Variants in CADM2 observed in about 807,000 individuals in gnomAD.
CADM2 encodes immunoglobulin superfamily member 4D.
A neutral mutation model predicts 49.8 loss-of-function variants in CADM2; 12 were observed. The ratio of observed to expected loss-of-function variants is 0.24; its 90% confidence interval spans 0.15 to 0.39. The LOEUF is 0.39. CADM2 is among the 10% of genes least tolerant of loss of function. The pLI is 1.00. For synonymous variants in CADM2, 214 were observed against 175.4 expected (o/e 1.22, Z -1.74); for missense variants, 378 against 492.3 (o/e 0.77, Z 2.20).
At chr3:85,844,448 G>T (rs2074788031) in intron 3 of CADM2, among the ~76,000 whole-genome samples, 1 of 151,964 alleles carries the variant, frequency 6.6e-6, no homozygotes, top group Non-Finnish European at 1.5e-5. Flanking sequence ...GCTTTAAGGG[G>T]ATTGATACAG....
At chr3:84,960,866 G>C (rs990662475) in intron 1 of CADM2, among the ~76,000 whole-genome samples, 1 of 152,158 alleles carries the variant, frequency 6.6e-6, no homozygotes, top group Non-Finnish European at 1.5e-5. Context: ...GGCAGGGGCG[G>C]CGTGCTAGGG....
chr3:85,934,654 T>C (rs1306254733), intron 6 of CADM2, among the ~76,000 whole-genome samples: 1 of 152,076 alleles, frequency 6.6e-6, no homozygotes, highest in Non-Finnish European at 1.5e-5. Flanking sequence ...AACTATTACA[T>C]TTTATTTTAT....
chr3:85,316,434 C>T (rs1429791383), intron 1 of CADM2, among the ~76,000 whole-genome samples: 1 of 152,100 alleles, frequency 6.6e-6, no homozygotes, highest in Non-Finnish European at 1.5e-5. Context: ...TGAGTGTTGT[C>T]TGTCAGTAAC....
intron 1 of CADM2, among the ~76,000 whole-genome samples, chr3:85,467,236 C>T (rs2107601449): frequency 6.6e-6 from 1 of 152,200 alleles, no homozygotes. Flanking sequence ...GGTGACATAA[C>T]TTGTCATTTA....
chr3:85,885,680 CAAA>C lies in CADM2; in HGVS notation c.392-490_392-488del, dbSNP rs1230774557. On this transcript the variant is annotated intron_variant, in intron 4 of 9. Transcript: ENST00000383699. ...CTGGGGTCAGAGCAAGACTCTATCT[CAAA>C]AAAAAAAAAAAAAAAAAAATTAGTC... Among the ~76,000 whole-genome samples the C allele has an allele frequency of 4.9e-3, 423 of 86,592 alleles. 1 individual carries two copies. Among genetic ancestry groups the C allele is most frequent in the Middle Eastern group, 0.015 (2 of 130 alleles). The allele number at this position is 86,592 out of a possible 152,430, so 56.8% of individuals were successfully genotyped here. A position where few individuals can be genotyped will look rare whatever the true frequency, so the allele number is the denominator to read the frequency against.
At chr3:85,389,831 T>C (rs1296082499) in intron 1 of CADM2, among the ~76,000 whole-genome samples, 1 of 152,166 alleles carries the variant, frequency 6.6e-6, no homozygotes, top group African/African-American at 2.4e-5. Flanking sequence ...ATTCATTTGA[T>C]ATTTGCAAAG....
chr3:85,536,190 A>T (rs67544605), intron 1 of CADM2, among the ~76,000 whole-genome samples: 77,838 of 151,844 alleles, frequency 0.51, 23,040 homozygotes, highest in East Asian at 0.85. Flanking sequence ...ATTAAAATAT[A>T]AGAAAAGTTG....
intron 1 of CADM2, among the ~76,000 whole-genome samples, chr3:85,217,975 C>T (rs1469235299): frequency 2.0e-5 from 3 of 151,628 alleles, no homozygotes; most frequent in African/African-American, 7.3e-5. Context: ...GATATTTGGC[C>T]TTTAGCTGTG....
intron 8 of CADM2, among the ~76,000 whole-genome samples, chr3:86,052,128 T>C (rs903663883): frequency 6.6e-6 from 1 of 152,182 alleles, no homozygotes; most frequent in Non-Finnish European, 1.5e-5. Flanking sequence ...CATAAACAAT[T>C]ACACTAATTT....
chr3:85,383,481 TA>T (rs200695588), intron 1 of CADM2, among the ~76,000 whole-genome samples: 12,981 of 146,880 alleles, frequency 0.088, 1,895 homozygotes, highest in African/African-American at 0.3. Flanking sequence ...AAAAAGTTAA[TA>T]TAATACTTTA....
At position 85,155,488 on chromosome 3, in the gene CADM2, A is replaced by G. The variant is rs144516734; in HGVS notation, c.61+195820A>G. 6.5e-3 allele frequency among the ~76,000 whole-genome samples: 989 copies of G among 152,216 alleles called. 13 individuals are homozygous for G. Among genetic ancestry groups the G allele is most frequent in the African/African-American group, 0.023 (934 of 41,506 alleles). ...AAACTTAGACTCCCACACATTAATA[A>G]TGGGAGACTTTAACACCCCACTGTC... On this transcript the variant is annotated intron_variant, in intron 1 of 9. Transcript: ENST00000383699.
chr3:85,729,325 C>T (rs1264217622), intron 2 of CADM2, among the ~76,000 whole-genome samples: 1 of 152,158 alleles, frequency 6.6e-6, no homozygotes, highest in Non-Finnish European at 1.5e-5. Context: ...GCTTTCCACA[C>T]TGCCTTTGAG....
intron 1 of CADM2, among the ~76,000 whole-genome samples, chr3:85,001,364 TATCTATCC>T: frequency 6.6e-6 from 1 of 150,714 alleles, no homozygotes; most frequent in East Asian, 1.9e-4. Flanking sequence ...ATTATCTTTC[TATCTATCC>T]ATCTATCCAT....
At chr3:85,693,255 A>G (rs1291555674) in intron 1 of CADM2, among the ~76,000 whole-genome samples, 1 of 151,718 alleles carries the variant, frequency 6.6e-6, no homozygotes, top group South Asian at 2.1e-4. Context: ...AACAAGAAAC[A>G]AAAAACAAGG....
At chr3:85,101,366 T>A (rs2038004404) in intron 1 of CADM2, among the ~76,000 whole-genome samples, 1 of 152,214 alleles carries the variant, frequency 6.6e-6, no homozygotes, top group Non-Finnish European at 1.5e-5. Flanking sequence ...TAGTGTCTAG[T>A]TGTTTTGTAA....
intron 1 of CADM2, among the ~76,000 whole-genome samples, chr3:85,021,422 C>T (rs1424464123): frequency 6.6e-6 from 1 of 152,038 alleles, no homozygotes; most frequent in Non-Finnish European, 1.5e-5. Context: ...TCTAACAAGC[C>T]TGGCTTATTC....
intron 8 of CADM2, among the ~76,000 whole-genome samples, chr3:86,063,808 CACTGTCCGTTAAATAG>C (rs1738980695): frequency 6.6e-6 from 1 of 152,120 alleles, no homozygotes; most frequent in Non-Finnish European, 1.5e-5. Flanking sequence ...TCTTTACTTT[CACTGTCCGTTAAATAG>C]ATCTGTAAAT....
chr3:85,532,200 AAT>A lies in CADM2; in HGVS notation c.62-194320_62-194319del, dbSNP rs1157317126. Among the ~76,000 whole-genome samples the A allele has an allele frequency of 6.5e-4, 28 of 43,206 alleles. No individual in the cohort carries two copies. The East Asian group carries it at 0.017, about 26-fold the overall frequency. 28.3% of individuals were successfully genotyped at this position (43,206 alleles called of 152,430 possible). ...TCAAAAATAATAATAATAATAAAAA[AAT>A]AAAAATAGTGTTGCAGGAAATGTTT... On this transcript the variant is annotated intron_variant, in intron 1 of 9. Transcript: ENST00000383699.
chr3:86,056,514 A>G (rs759927485), intron 8 of CADM2, among the ~76,000 whole-genome samples: 1 of 152,192 alleles, frequency 6.6e-6, no homozygotes, highest in Non-Finnish European at 1.5e-5. Flanking sequence ...AGATTAATAA[A>G]ATTTATTGTG....
Sources: allele counts gnomAD v4.1 joint callset (sites outside exome capture counted in the v4.1 genomes callset), GRCh38; gene constraint gnomAD v4.1.1; transcripts MANE v1.5; gene names NCBI Gene and HGNC (gene_info 2026-07-23, HGNC 2026-07-21).